Variants in ADGRB1 observed in about 807,000 individuals in gnomAD.
The protein encoded by ADGRB1 is adhesion G protein-coupled receptor B1.
Under a neutral mutation model 175.7 loss-of-function variants are expected in ADGRB1, and 36 were observed. The ratio of observed to expected loss-of-function variants is 0.20; its 90% CI spans 0.16 to 0.27. The LOEUF (loss-of-function observed/expected upper bound fraction) is 0.27, where lower values mean the gene tolerates loss of function less well. Ranked by LOEUF, ADGRB1 falls within the 10% of genes least tolerant of loss-of-function variation. The pLI is 1.00. For synonymous variants in ADGRB1, 1,054 were observed against 979.4 expected, an observed-to-expected ratio of 1.08 and a Z score of -1.42; for missense variants, 1,731 against 2,255.3, an observed-to-expected ratio of 0.77 and a Z score of 4.71.
Position 142,512,508 on chromosome 8 carries a change from C to T in ADGRB1, c.2817+1435C>T, listed in dbSNP as rs940227401. 1.1e-4 allele frequency among the ~76,000 whole-genome samples: 16 copies of T among 152,350 alleles called. 1 individual carries two copies. The East Asian group carries it at 2.9e-3, about 28-fold the overall frequency. ...GAGGAGGACCTGGGCAGGAGAGAACCTGCTATGGTGTGTGCCCCATCTGCC... is the reference window on the plus strand; with the variant it reads ...GAGGAGGACCTGGGCAGGAGAGAACTTGCTATGGTGTGTGCCCCATCTGCC... On this transcript the variant is annotated intron_variant, in intron 18 of 30. Transcript: ENST00000517894.
At position 142,464,849 on chromosome 8, in the gene ADGRB1, C is replaced by T. The variant is rs899089973; in HGVS notation, c.651C>T (p.Gly217=). ...GIMQTPCACL[G]GEAGGPAAGP... ...TGCAGACCCCCTGCGCCTGCCTGGG[C>T]GGCGAGGCGGGCGGCCCTGCCGCGG... The change falls in exon 2 of 31, where the codon GGC becomes GGT. Residue 217 remains glycine (G), a synonymous_variant. Transcript: ENST00000517894. The T allele has an allele frequency of 4.3e-5, 65 of 1,522,734 alleles. No homozygotes were observed. The Admixed American group carries it at 9.3e-4, about 22-fold the overall frequency. 94.3% of individuals were successfully genotyped at this position (1,522,734 alleles called of 1,614,324 possible). A position where few individuals can be genotyped will look rare whatever the true frequency, so the allele number is the denominator to read the frequency against.
intron 17 of ADGRB1, among the ~76,000 whole-genome samples, chr8:142,508,720 G>A (rs888786156): frequency 2.0e-5 from 3 of 152,238 alleles, no homozygotes; most frequent in African/African-American, 7.2e-5. Flanking sequence ...CCCTGGCACA[G>A]ACAGAGGCAT....
chr8:142,535,893 G>A (rs566787509), intron 25 of ADGRB1, among the ~76,000 whole-genome samples: 4 of 152,294 alleles, frequency 2.6e-5, no homozygotes, highest in East Asian at 1.9e-4. Flanking sequence ...GCTGGTGTCC[G>A]GGGGTCAGAG....
rs1189508232 is a variant in ADGRB1, at chr8:142,474,564, C to T, written c.785-910C>T. 6.6e-6 allele frequency among the ~76,000 whole-genome samples: 1 copy of T among 152,194 alleles called. No homozygotes were observed. Among genetic ancestry groups the T allele is most frequent in the Non-Finnish European group, 1.5e-5 (1 of 68,034 alleles). ...GCCCACAGATGGCAGTGGCCCTCTC[C>T]TGCTTTGTGCTCCTCCATGGCTACC... On this transcript the variant is annotated intron_variant, in intron 2 of 30. Coordinates refer to ENST00000517894, the MANE Select transcript of ADGRB1 (RefSeq NM_001702.3). The surrounding 1 kb of genome is among the most constrained non-coding windows in gnomAD (Gnocchi z 5.8).
chr8:142,479,446 C>T lies in ADGRB1; in HGVS notation c.1685C>T (p.Pro562Leu). The T allele has an allele frequency of 1.3e-6, 2 of 1,551,540 alleles. No individual in the cohort carries two copies. The highest frequency in any genetic ancestry group is 1.4e-5 in the African/African-American group (1 of 71,830). ...PFFGGAACQG[P>L]QDEYRQCGTQ... ...TTCGGGGGAGCAGCCTGCCAGGGCCCCCAGGATGAGTACCGGCAGTGCGGC... is the reference window on the plus strand; with the variant it reads ...TTCGGGGGAGCAGCCTGCCAGGGCCTCCAGGATGAGTACCGGCAGTGCGGC... The change falls in exon 8 of 31, where the codon CCC becomes CTC. Residue 562 changes from proline to leucine, a missense_variant. Coordinates refer to ENST00000517894, the MANE Select transcript of ADGRB1 (RefSeq NM_001702.3).
chr8:142,464,100 A>ACCCGGGCCGCCCAGCCCCCCC lies in ADGRB1; in HGVS notation c.-97_-96insCGGGCCGCCCAGCCCCCCCCC. 1 of 280,430 alleles carries ACCCGGGCCGCCCAGCCCCCCC rather than the reference A, an allele frequency of 3.6e-6. No individual in the cohort carries two copies. The highest frequency in any genetic ancestry group is 4.9e-6 in the Non-Finnish European group (1 of 204,856). The allele number at this position is 280,430 out of a possible 1,614,324, so 17.4% of individuals were successfully genotyped here. A position where few individuals can be genotyped will look rare whatever the true frequency, so the allele number is the denominator to read the frequency against. On this transcript the variant is annotated 5_prime_UTR_variant, in exon 2 of 31. Coordinates refer to ENST00000517894, the MANE Select transcript of ADGRB1 (RefSeq NM_001702.3). Reference sequence around the variant, plus strand: ...ACCCTTGCCCCGCCTCCCTGCCCCCACCGGGCCGGCCCTGCCCGCCGCCGG... The same window carrying ACCCGGGCCGCCCAGCCCCCCC: ...ACCCTTGCCCCGCCTCCCTGCCCCCACCCGGGCCGCCCAGCCCCCCCCCGGGCCGGCCCTGCCCGCCGCCGG...
Position 142,510,916 on chromosome 8 carries a change from T to TGCCCCCCCCC in ADGRB1, c.2676-16_2676-15insGCCCCCCCCC. 5 of 969,738 alleles carry TGCCCCCCCCC rather than the reference T, an allele frequency of 5.2e-6. No individual in the cohort carries two copies. Among genetic ancestry groups the TGCCCCCCCCC allele is most frequent in the Non-Finnish European group, 6.3e-6 (5 of 789,298 alleles). The allele number at this position is 969,738 out of a possible 1,614,324, so 60.1% of individuals were successfully genotyped here. On this transcript the variant is annotated splice_polypyrimidine_tract_variant and intron_variant, in intron 17 of 30. Transcript: ENST00000517894. The surrounding 1 kb of genome is among the most constrained non-coding windows in gnomAD (Gnocchi z 6.3). Reference sequence around the variant, plus strand: ...ACGCTCCGCCTGTCTCCCTCCCGTGTCCCGCCCGCCCCCAGACCCTCCTCC... The same window carrying TGCCCCCCCCC: ...ACGCTCCGCCTGTCTCCCTCCCGTGTGCCCCCCCCCCCCGCCCGCCCCCAGACCCTCCTCC...
rs757570335 is a variant in ADGRB1 at position 142,543,666 on chromosome 8, C to T, written c.4515C>T (p.His1505=). The T allele has an allele frequency of 2.0e-5, 31 of 1,563,074 alleles. No homozygotes were observed. The East Asian group carries it at 2.4e-4, about 12-fold the overall frequency. Residue 1505 remains histidine (H), a synonymous_variant, in exon 30 of 31, where the codon CAC becomes CAT. Coordinates refer to ENST00000517894, the MANE Select transcript of ADGRB1 (RefSeq NM_001702.3). The surrounding 1 kb of genome is among the most constrained non-coding windows in gnomAD (Gnocchi z 4.4). ...MFQDLNRKLQ[H]AAEKDKEVLG... is the part of the protein sequence containing the mutation. ...AGGACCTGAACCGGAAGCTGCAGCA[C>T]GCAGCGGAGAAGGACAAGGAGGTGC...
intron 12 of ADGRB1, 132 bp from the exon 13 acceptor site, chr8:142,484,524 G>A: frequency 1.1e-6 from 1 of 936,046 alleles, no homozygotes; most frequent in Non-Finnish European, 1.6e-6. Flanking sequence ...GGTACTCAGA[G>A]GTCACCAGCC....
Position 142,511,728 on chromosome 8 carries a change from C to T in ADGRB1, c.2817+655C>T, listed in dbSNP as rs990317384. 4.6e-5 allele frequency among the ~76,000 whole-genome samples: 7 copies of T among 152,130 alleles called. No homozygotes were observed. The highest frequency in any genetic ancestry group is 7.2e-5 in the African/African-American group (3 of 41,436). On this transcript the variant is annotated intron_variant, in intron 18 of 30. Transcript: ENST00000517894. This position sits in a 1 kb window ranked among gnomAD's most constrained non-coding sequence, Gnocchi z 4.5. Reference sequence around the variant, plus strand: ...GGGTGCTGGGCGCAGCTCCCTGGGGCGGGTGGGCTCTCTTGCTTTGGGCCG... The same window carrying T: ...GGGTGCTGGGCGCAGCTCCCTGGGGTGGGTGGGCTCTCTTGCTTTGGGCCG...
At position 142,464,530 on chromosome 8, in the gene ADGRB1, C is replaced by A; in HGVS notation, c.332C>A (p.Thr111Lys). ...TYQFDSFLES[T>K]RTYLGVESFD... ...CAGTTCGACTCCTTCCTCGAGTCCA[C>A]GCGCACCTACCTGGGCGTGGAGAGC... The change falls in exon 2 of 31, where the codon ACG (threonine) becomes AAG (lysine). Residue 111 changes from threonine (T) to lysine (K), a missense_variant. Coordinates refer to ENST00000517894, the MANE Select transcript of ADGRB1 (RefSeq NM_001702.3). The A allele has an allele frequency of 6.4e-7, 1 of 1,571,292 alleles. No individual in the cohort carries two copies. The highest frequency in any genetic ancestry group is 8.6e-7 in the Non-Finnish European group (1 of 1,161,602).
chr8:142,491,966 C>A (rs186134162), intron 17 of ADGRB1, among the ~76,000 whole-genome samples: 117 of 152,090 alleles, frequency 7.7e-4, no homozygotes, highest in African/African-American at 2.6e-3. Flanking sequence ...AGCAGGGAGC[C>A]GGCCAGGAGG....
At chr8:142,521,928 C>T (rs755479732) in intron 20 of ADGRB1, 37 bp from the exon 21 acceptor site, 2 of 1,550,000 alleles carry the variant, frequency 1.3e-6, no homozygotes, top group Non-Finnish European at 1.7e-6. Context: ...GGCCGGGGAG[C>T]ACCTGCCCAG....
chr8:142,458,012 G>A (rs1029149359), intron 1 of ADGRB1, among the ~76,000 whole-genome samples: 33 of 145,182 alleles, frequency 2.3e-4, no homozygotes, highest in Admixed American at 1.6e-3. Context: ...CCCTCCCCCC[G>A]TGCAGTCTTT....
chr8:142,500,762 A>C (rs2131963442), intron 17 of ADGRB1, among the ~76,000 whole-genome samples: 1 of 152,254 alleles, frequency 6.6e-6, no homozygotes, highest in Non-Finnish European at 1.5e-5. Flanking sequence ...AGGAGGGCAG[A>C]GTGGCCCTGA....
rs574259865 is a variant in ADGRB1, at chr8:142,493,893, G to A, written c.2675+3078G>A. On this transcript the variant is annotated intron_variant, in intron 17 of 30. Coordinates refer to ENST00000517894, the MANE Select transcript of ADGRB1 (RefSeq NM_001702.3). This position sits in a 1 kb window ranked among gnomAD's most constrained non-coding sequence, Gnocchi z 5.0. ...TGCTGCAGGGGCCACTCCTCGCCCTGTGAACTGTCTCCGGGGAGCTGAGTT... is the reference window on the plus strand; with the variant it reads ...TGCTGCAGGGGCCACTCCTCGCCCTATGAACTGTCTCCGGGGAGCTGAGTT... 6.6e-6 allele frequency among the ~76,000 whole-genome samples: 1 copy of A among 152,328 alleles called. No individual in the cohort carries two copies. The highest frequency in any genetic ancestry group is 2.1e-4 in the South Asian group (1 of 4,830).
intron 1 of ADGRB1, among the ~76,000 whole-genome samples, chr8:142,459,392 G>A (rs900550670): frequency 4.6e-5 from 7 of 152,136 alleles, no homozygotes; most frequent in African/African-American, 7.2e-5. Context: ...CAGGGGAGCC[G>A]AGGCCAGAGG....
At chr8:142,476,029 G>C (rs1040635403) in intron 3 of ADGRB1, among the ~76,000 whole-genome samples, 2 of 152,110 alleles carry the variant, frequency 1.3e-5, no homozygotes, top group Non-Finnish European at 2.9e-5. Context: ...TGGAGGGTGT[G>C]CGGAAGGCTG....
At chr8:142,470,200 C>T (rs911971381) in intron 2 of ADGRB1, among the ~76,000 whole-genome samples, 1 of 152,230 alleles carries the variant, frequency 6.6e-6, no homozygotes, top group African/African-American at 2.4e-5. Context: ...CCTCTCCTGC[C>T]GGCTCTCTCT....
Sources: gnomAD v4.1 joint callset for allele counts (sites outside exome capture counted in the v4.1 genomes callset) on GRCh38, gnomAD v4.1.1 for gene constraint, Gnocchi (gnomAD v3.1) non-coding constraint, MANE v1.5 for transcripts, NCBI Gene and HGNC (gene_info 2026-07-23, HGNC 2026-07-21) for gene names.